Variants in CCDC88C observed in about 807,000 individuals in gnomAD.
CCDC88C encodes the protein coiled-coil and HOOK domain protein 88C.
In CCDC88C, 131 loss-of-function variants were observed where a neutral mutation model predicts 198.8. The ratio of observed to expected loss-of-function variants is 0.66; its 90% confidence interval spans 0.57 to 0.76. CCDC88C has a LOEUF of 0.76. Among genes scored for constraint, CCDC88C ranks in the 30% least tolerant of loss-of-function variants. The pLI, the probability that CCDC88C is intolerant of heterozygous loss-of-function variation, is 0.00. For synonymous variants in CCDC88C, 1,166 were observed against 1,114.7 expected (o/e 1.05, Z -0.92); for missense variants, 2,553 against 2,631.6 (o/e 0.97, Z 0.65).
intron 3 of CCDC88C, among the ~76,000 whole-genome samples, chr14:91,364,703 C>T (rs1894450969): frequency 6.6e-6 from 1 of 152,168 alleles, no homozygotes; most frequent in South Asian, 2.1e-4. Context: ...TGTCTGCACA[C>T]GGTGTCAACA....
rs372627629 is a variant in CCDC88C, at chr14:91,278,083, A to G, written c.4897T>C (p.Tyr1633His). ...AGAGGCCCGTTCCGAGGCAAGGGGT[A>G]CTCGTGGCGGCCGAGGGCGTTGCGT... The part of the protein sequence containing the change: ...PGRNALGRHE[Y>H]PLPRNGPLPQ... The change falls in exon 29 of 30, where the codon TAC becomes CAC. Residue 1633 changes from tyrosine to histidine, a missense_variant. Tyr to His is a moderately conservative substitution (Grantham distance 83, BLOSUM62 2). Around this residue, in one of 2 missense-constraint regions of CCDC88C, gnomAD observed 1,293 missense variants for 1,219.6 expected, o/e 1.06. Transcript: ENST00000389857. 6.2e-7 allele frequency: 1 copy of G among 1,612,446 alleles called. No individual in the cohort carries two copies. Among genetic ancestry groups the G allele is most frequent in the Non-Finnish European group, 8.5e-7 (1 of 1,179,372 alleles).
intron 15 of CCDC88C, 45 bp from the exon 16 acceptor site, chr14:91,310,031 A>G (rs913081044): frequency 6.6e-6 from 10 of 1,520,244 alleles, no homozygotes; most frequent in Non-Finnish European, 2.7e-6. Context: ...TCAGCAAAAC[A>G]CGCAGGAAGG....
chr14:91,322,146 G>A (rs1032869542), intron 12 of CCDC88C, among the ~76,000 whole-genome samples: 2 of 152,126 alleles, frequency 1.3e-5, no homozygotes, highest in African/African-American at 2.4e-5. Flanking sequence ...CCAGTGCCAC[G>A]TCCTCATCTC....
At position 91,417,630 on chromosome 14, in the gene CCDC88C, C is replaced by G; in HGVS notation, c.60+1G>C. ...AGGGGCGGGGAGCCAGGCGCACTCA[C>G]CCAGGTCACCAGCGGGCTCTGCAGG... On this transcript the variant is annotated splice_donor_variant, in intron 1 of 29. Coordinates refer to ENST00000389857, the MANE Select transcript of CCDC88C (RefSeq NM_001080414.4). LOFTEE classifies it high-confidence loss of function. 1 of 1,590,514 alleles carries G rather than the reference C, an allele frequency of 6.3e-7. No homozygotes were observed. Among genetic ancestry groups the G allele is most frequent in the Non-Finnish European group, 8.5e-7 (1 of 1,170,710 alleles).
At chr14:91,343,066 C>T (rs1022945241) in intron 5 of CCDC88C, among the ~76,000 whole-genome samples, 1 of 152,160 alleles carries the variant, frequency 6.6e-6, no homozygotes, top group Non-Finnish European at 1.5e-5. Context: ...GTGATCCTCT[C>T]GCCTCAGCCT....
At chr14:91,375,275 G>A (rs922572130) in intron 3 of CCDC88C, among the ~76,000 whole-genome samples, 2 of 151,578 alleles carry the variant, frequency 1.3e-5, no homozygotes, top group Admixed American at 6.6e-5. Flanking sequence ...GTGTGTGTGC[G>A]CGCGCGCATG....
intron 17 of CCDC88C, 58 bp from the exon 18 acceptor site, chr14:91,307,284 C>T: frequency 6.5e-7 from 1 of 1,534,130 alleles, no homozygotes; most frequent in Middle Eastern, 2.1e-4. Flanking sequence ...GCCTGGAGCC[C>T]CGAGTGAGTG....
At chr14:91,375,575 C>A (rs754919347) in intron 3 of CCDC88C, among the ~76,000 whole-genome samples, 32 of 152,196 alleles carry the variant, frequency 2.1e-4, no homozygotes, top group Non-Finnish European at 4.6e-4. Flanking sequence ...CACCTGCTCA[C>A]GAGGCAGACC....
At chr14:91,308,782 T>C (rs2139793227) in intron 16 of CCDC88C, among the ~76,000 whole-genome samples, 1 of 152,164 alleles carries the variant, frequency 6.6e-6, no homozygotes, top group East Asian at 1.9e-4. Flanking sequence ...GGAAACTGAG[T>C]CTCAGAAAGG....
chr14:91,360,235 A>G (rs999159465), intron 3 of CCDC88C, among the ~76,000 whole-genome samples: 3 of 142,564 alleles, frequency 2.1e-5, no homozygotes, highest in African/African-American at 7.8e-5. Flanking sequence ...CCTGGGCAAC[A>G]TAGCAAGACC....
intron 3 of CCDC88C, among the ~76,000 whole-genome samples, chr14:91,365,819 A>G (rs1486850262): frequency 6.6e-6 from 1 of 152,192 alleles, no homozygotes; most frequent in Non-Finnish European, 1.5e-5. Flanking sequence ...ACAGCACTCT[A>G]ACAGTCTTGC....
rs1453046001 is a variant in CCDC88C, at chr14:91,284,963, C to T, written c.4442-1446G>A. On this transcript the variant is annotated intron_variant, in intron 25 of 29. Transcript: ENST00000389857. The surrounding 1 kb of genome is among the most constrained non-coding windows in gnomAD (Gnocchi z 4.1). ...GGCCTAGCTGGCCGGCTGGCATTTT[C>T]CCTTGCTCGAGGCATGATTTGTGTG... Among the ~76,000 whole-genome samples the T allele has an allele frequency of 1.3e-5, 2 of 152,158 alleles. No individual in the cohort carries two copies. Among genetic ancestry groups the T allele is most frequent in the Admixed American group, 6.5e-5 (1 of 15,268 alleles).
intron 6 of CCDC88C, chr14:91,342,017 G>T: frequency 5.0e-6 from 1 of 198,734 alleles, no homozygotes; most frequent in Non-Finnish European, 1.0e-5. Flanking sequence ...TTCAAAGCAG[G>T]GTGACATTTG....
In CCDC88C at chr14:91,271,719, A is replaced by T. The variant is rs1889742500; in HGVS notation, c.*906T>A. On this transcript the variant is annotated 3_prime_UTR_variant, in exon 30 of 30. Transcript: ENST00000389857. ...GGTTTCTATACCCAAAAAGTTATTC[A>T]GAAATAAATCAACACCCCGAGACCG... The T allele has an allele frequency of 6.6e-6, 1 of 152,340 alleles. No homozygotes were observed. The highest frequency in any genetic ancestry group is 1.5e-5 in the Non-Finnish European group (1 of 68,042). The allele number at this position is 152,340 out of a possible 1,614,324, so 9.4% of individuals were successfully genotyped here.
At chr14:91,280,907 C>T (rs1890169645) in intron 27 of CCDC88C, among the ~76,000 whole-genome samples, 1 of 152,200 alleles carries the variant, frequency 6.6e-6, no homozygotes, top group Non-Finnish European at 1.5e-5. Context: ...TCGATGTAAA[C>T]TTCAAGGGGT....
At chr14:91,359,748 C>A in intron 3 of CCDC88C, 37 bp from the exon 4 acceptor site, 2 of 1,563,874 alleles carry the variant, frequency 1.3e-6, no homozygotes, top group Non-Finnish European at 1.7e-6. Flanking sequence ...CCATTAAGAA[C>A]CGGAAACAAA....
At position 91,325,657 on chromosome 14, in the gene CCDC88C, G is replaced by A. The variant is rs1007078865; in HGVS notation, c.1197+253C>T. Among the ~76,000 whole-genome samples, 2 of 152,028 alleles carry A rather than the reference G, an allele frequency of 1.3e-5. No individual in the cohort carries two copies. Among genetic ancestry groups the A allele is most frequent in the African/African-American group, 4.8e-5 (2 of 41,360 alleles). ...AATGGTGTGATCACGGCTCACTGCA[G>A]CCTCAACCTCCCAGGCTCAAGCAAC... On this transcript the variant is annotated intron_variant, in intron 11 of 29. Transcript: ENST00000389857. The surrounding 1 kb of genome is among the most constrained non-coding windows in gnomAD (Gnocchi z 4.1).
intron 15 of CCDC88C, among the ~76,000 whole-genome samples, chr14:91,311,985 A>T (rs1266418255): frequency 6.6e-6 from 1 of 152,120 alleles, no homozygotes; most frequent in Non-Finnish European, 1.5e-5. Context: ...AAACTTCAGG[A>T]AAGGATTCTA....
In CCDC88C at chr14:91,352,795, G is replaced by A. The variant is rs1478439526; in HGVS notation, c.340+6847C>T. Among the ~76,000 whole-genome samples the A allele has an allele frequency of 6.6e-6, 1 of 152,222 alleles. No homozygotes were observed. The highest frequency in any genetic ancestry group is 1.5e-5 in the Non-Finnish European group (1 of 68,048). On this transcript the variant is annotated intron_variant, in intron 4 of 29. Coordinates refer to ENST00000389857, the MANE Select transcript of CCDC88C (RefSeq NM_001080414.4). The surrounding 1 kb of genome is among the most constrained non-coding windows in gnomAD (Gnocchi z 4.2). The stretch of plus-strand genomic sequence containing the variant: ...AGCCTCCACACCACACGGTGAGCAG[G>A]CATGGAGCCAGGGGCAGGACTGGGA...
Sources: allele counts gnomAD v4.1 joint callset (sites outside exome capture counted in the v4.1 genomes callset), GRCh38; gene constraint gnomAD v4.1.1; regional missense constraint gnomAD v4.1.1; non-coding constraint Gnocchi (gnomAD v3.1); transcripts MANE v1.5; gene names NCBI Gene and HGNC (gene_info 2026-07-23, HGNC 2026-07-21).